OC90: variants seen among roughly 807,000 people sequenced by gnomAD.
The protein encoded by OC90 is otoconin 90, also known as otoconin-90.
OC90 carries 46 observed loss-of-function variants against 47.3 expected under a neutral mutation model. The observed-to-expected ratio is 0.97, with a 90% CI of 0.77 to 1.24. The LOEUF is 1.24. Among genes scored for constraint, OC90 ranks in the 50% most tolerant of loss-of-function variants. The pLI, the probability that OC90 is intolerant of heterozygous loss-of-function variation, is 0.00. For synonymous variants in OC90, 271 were observed against 219.5 expected (o/e 1.23, Z -2.07); for missense variants, 688 against 583.9 (o/e 1.18, Z -1.84).
chr8:132,026,872 C>T (rs1822766299), intron 13 of OC90, among the ~76,000 whole-genome samples: 1 of 152,194 alleles, frequency 6.6e-6, no homozygotes, highest in South Asian at 2.1e-4. Context: ...CATGATCTGG[C>T]ACCTGTCTGT....
rs1376356238 is a variant in OC90, at chr8:132,055,080, G to T, written c.-47-7C>A. 6 of 1,423,844 alleles carry T rather than the reference G, an allele frequency of 4.2e-6. No homozygotes were observed. Among genetic ancestry groups the T allele is most frequent in the Non-Finnish European group, 1.9e-6 (2 of 1,033,388 alleles). The allele number at this position is 1,423,844 out of a possible 1,614,324, so 88.2% of individuals were successfully genotyped here. On this transcript the variant is annotated splice_region_variant and splice_polypyrimidine_tract_variant and intron_variant, in intron 1 of 13. Coordinates refer to ENST00000254627, the MANE Select transcript of OC90 (RefSeq NM_001080399.3). ...CAGCAACTGGAACGGACTCCTGGGA[G>T]AGAAGCCAGCAGAATAGGATGGAAG...
intron 2 of OC90, among the ~76,000 whole-genome samples, chr8:132,050,813 C>T (rs980004538): frequency 6.6e-6 from 1 of 152,070 alleles, no homozygotes. Flanking sequence ...CCAGCCTGAC[C>T]AACATGGAAA....
intron 2 of OC90, among the ~76,000 whole-genome samples, chr8:132,048,520 C>A (rs1297932182): frequency 6.6e-6 from 1 of 151,356 alleles, no homozygotes; most frequent in Non-Finnish European, 1.5e-5. Context: ...GCCTCTTTCC[C>A]ATTTTTCCTG....
intron 2 of OC90, among the ~76,000 whole-genome samples, chr8:132,053,777 G>A (rs78018580): frequency 0.066 from 10,065 of 152,194 alleles, 562 homozygotes; most frequent in East Asian, 0.23. Context: ...TAGGTGGGAG[G>A]GCCAAGGGAT....
At chr8:132,041,201 G>T (rs1332122593) in intron 5 of OC90, 45 bp from the exon 6 acceptor site, 3 of 1,178,066 alleles carry the variant, frequency 2.5e-6, no homozygotes, top group African/African-American at 1.5e-5. Flanking sequence ...GTGGGTTAGA[G>T]TGAGGGAGGG....
intron 12 of OC90, among the ~76,000 whole-genome samples, chr8:132,029,967 G>A (rs940804320): frequency 7.2e-5 from 11 of 152,188 alleles, no homozygotes; most frequent in Non-Finnish European, 1.2e-4. Context: ...ATAAGTCGTA[G>A]GCTCTTGTGG....
intron 9 of OC90, chr8:132,036,545 G>C (rs968155405): frequency 1.4e-6 from 1 of 700,812 alleles, no homozygotes; most frequent in Non-Finnish European, 2.6e-6. Context: ...AGGGCATATG[G>C]CTGCACAATG....
Position 132,049,827 on chromosome 8 carries a change from A to G in OC90, c.47-3944T>C, listed in dbSNP as rs771965244. On this transcript the variant is annotated intron_variant, in intron 2 of 13. Coordinates refer to ENST00000254627, the MANE Select transcript of OC90 (RefSeq NM_001080399.3). The stretch of plus-strand genomic sequence containing the variant: ...TTACCTGTTGCCATGGCCACGTGAC[A>G]TGGCTGTAATGTATCACAGATGATA... 3 of 518,138 alleles carry G rather than the reference A, an allele frequency of 5.8e-6. No individual in the cohort carries two copies. In the East Asian group the frequency reaches 1.6e-4, roughly 28 times the overall value. 32.1% of individuals were successfully genotyped at this position (518,138 alleles called of 1,614,324 possible). A position where few individuals can be genotyped will look rare whatever the true frequency, so the allele number is the denominator to read the frequency against.
At chr8:132,049,311 T>C (rs1823181330) in intron 2 of OC90, among the ~76,000 whole-genome samples, 2 of 146,918 alleles carry the variant, frequency 1.4e-5, no homozygotes, top group South Asian at 4.1e-4. Flanking sequence ...ATCTCCAGCT[T>C]CTTAATGAGT....
intron 13 of OC90, among the ~76,000 whole-genome samples, chr8:132,027,918 A>C (rs765346459): frequency 1.3e-5 from 2 of 152,212 alleles, no homozygotes; most frequent in Non-Finnish European, 2.9e-5. Flanking sequence ...TTAGTTCTGA[A>C]ATGATATGGT....
chr8:132,032,830 C>T (rs1822895162), intron 11 of OC90, among the ~76,000 whole-genome samples: 1 of 152,116 alleles, frequency 6.6e-6, no homozygotes, highest in South Asian at 2.1e-4. Context: ...GTGGCTCCTC[C>T]CCCCAGGCTC....
Position 132,028,932 on chromosome 8 carries a change from A to AG in OC90, c.1138+140dup, listed in dbSNP as rs1380780274. 2.3e-4 allele frequency: 128 copies of AG among 553,978 alleles called. 1 individual carries two copies. Among genetic ancestry groups the AG allele is most frequent in the South Asian group, 1.6e-3 (66 of 42,126 alleles). 34.3% of individuals were successfully genotyped at this position (553,978 alleles called of 1,614,324 possible). On this transcript the variant is annotated intron_variant, in intron 13 of 13. Transcript: ENST00000254627. The stretch of plus-strand genomic sequence containing the variant: ...AAAGAGGAAGGAAGGAAGGAAGGGA[A>AG]GGAAGGAAGGAAAAGAAAGAAAGAA...
Position 132,024,507 on chromosome 8 carries a change from C to T in OC90, c.1408G>A (p.Gly470Arg), listed in dbSNP as rs927814356. 6.3e-7 allele frequency: 1 copy of T among 1,578,936 alleles called. No individual in the cohort carries two copies. The highest frequency in any genetic ancestry group is 1.1e-5 in the South Asian group (1 of 87,186). ...RFLRKSLGPL[G>R]IGPLHGR is the part of the protein sequence containing the mutation. ...TATCTTCCATGAAGAGGCCCGATCC[C>T]CAAGGGACCCAGTGACTTCCGCAGA... Residue 470 changes from glycine (G) to arginine (R), a missense_variant, in exon 14 of 14, where the codon GGG (glycine) becomes AGG (arginine). Gly to Arg is a moderately radical substitution (Grantham distance 125). Transcript: ENST00000254627.
Position 132,041,098 on chromosome 8 carries a change from C to T in OC90, c.403G>A (p.Asp135Asn), listed in dbSNP as rs369724134. ...ACCTCTGTGCTAAGTTTGGCGGGGT[C>T]TTGGAGACAGTCCATCTCAGCGGCC... ...EEAAEMDCLQDPAKLSTEVNC... is the reference protein window; with the variant it reads ...EEAAEMDCLQNPAKLSTEVNC... Residue 135 changes from aspartate to asparagine, a missense_variant, in exon 6 of 14, where the codon GAC (aspartate) becomes AAC (asparagine). Transcript: ENST00000254627. 7.6e-5 allele frequency: 122 copies of T among 1,613,766 alleles called. No homozygotes were observed. The highest frequency in any genetic ancestry group is 1.6e-4 in the Middle Eastern group (1 of 6,084).
At chr8:132,037,622 A>G in intron 8 of OC90, 134 bp from the exon 9 acceptor site, 1 of 743,916 alleles carries the variant, frequency 1.3e-6, no homozygotes. Flanking sequence ...TACTAAGAAG[A>G]GCTGTTCATC....
chr8:132,041,305 G>C, intron 5 of OC90, 149 bp from the exon 6 acceptor site: 1 of 657,466 alleles, frequency 1.5e-6, no homozygotes, highest in African/African-American at 1.8e-5. Flanking sequence ...TTGCATAACA[G>C]ACATAACATA....
At chr8:132,048,221 A>T (rs993585769) in intron 2 of OC90, among the ~76,000 whole-genome samples, 2 of 152,256 alleles carry the variant, frequency 1.3e-5, no homozygotes, top group African/African-American at 4.8e-5. Context: ...ACTAAGCTAA[A>T]TTTGACAGAA....
chr8:132,033,851 A>G (rs1176825588), intron 10 of OC90, among the ~76,000 whole-genome samples: 5 of 152,308 alleles, frequency 3.3e-5, no homozygotes, highest in African/African-American at 1.2e-4. Context: ...GAACAGCAGC[A>G]GGCTCAGCCC....
intron 12 of OC90, among the ~76,000 whole-genome samples, chr8:132,031,315 C>A (rs6984775): frequency 2.0e-5 from 3 of 152,086 alleles, no homozygotes; most frequent in Non-Finnish European, 4.4e-5. Flanking sequence ...AAAGCTCAAG[C>A]GGTATGGGTT....
Sources: allele counts gnomAD v4.1 joint callset (sites outside exome capture counted in the v4.1 genomes callset), GRCh38; gene constraint gnomAD v4.1.1; transcripts MANE v1.5; gene names NCBI Gene and HGNC (gene_info 2026-07-23, HGNC 2026-07-21).